PARN: variants seen among roughly 807,000 people sequenced by gnomAD.
PARN encodes the protein poly(A)-specific ribonuclease, also known as poly(A)-specific ribonuclease PARN.
PARN carries 71 observed loss-of-function variants against 102.8 expected under a neutral mutation model. The observed-to-expected ratio is 0.69, with a 90% CI of 0.57 to 0.84. The LOEUF is 0.84. PARN is among the 40% of genes least tolerant of loss of function. PARN has a pLI of 0.00. For missense variants in PARN, 782 were observed against 760.9 expected (o/e 1.03, Z -0.33); for synonymous variants, 261 against 252.9 (o/e 1.03, Z -0.30).
chr16:14,622,649 C>T (rs987382151), intron 5 of PARN, among the ~76,000 whole-genome samples: 3 of 152,200 alleles, frequency 2.0e-5, no homozygotes, highest in Non-Finnish European at 4.4e-5. Context: ...GGACTACAGG[C>T]GCCCGCCCCC....
At chr16:14,454,260 C>T (rs949462353) in intron 22 of PARN, among the ~76,000 whole-genome samples, 4 of 152,142 alleles carry the variant, frequency 2.6e-5, no homozygotes, top group East Asian at 1.9e-4. Flanking sequence ...GTGGGCGGAT[C>T]GCTTGAGCTC....
At chr16:14,542,706 G>A (rs1442316118) in intron 21 of PARN, among the ~76,000 whole-genome samples, 1 of 152,146 alleles carries the variant, frequency 6.6e-6, no homozygotes, top group Non-Finnish European at 1.5e-5. Context: ...TTCACTGGAT[G>A]GGCTTAATAG....
At chr16:14,618,653 T>C (rs1347867136) in intron 5 of PARN, among the ~76,000 whole-genome samples, 1 of 143,166 alleles carries the variant, frequency 7.0e-6, no homozygotes, top group African/African-American at 2.6e-5. Context: ...AGCAAGACTG[T>C]CTCAAAAAAA....
At chr16:14,513,965 C>A (rs760276460) in intron 21 of PARN, among the ~76,000 whole-genome samples, 1 of 152,096 alleles carries the variant, frequency 6.6e-6, no homozygotes, top group African/African-American at 2.4e-5. Flanking sequence ...GGTCAGTGCC[C>A]GGCACACATG....
chr16:14,623,908 C>T (rs1287114295), intron 5 of PARN, among the ~76,000 whole-genome samples: 1 of 151,758 alleles, frequency 6.6e-6, no homozygotes, highest in Non-Finnish European at 1.5e-5. Context: ...TTTTCACAAC[C>T]ATATATATAA....
At chr16:14,489,437 CAAAAAAAAAAA>C (rs770783306) in intron 21 of PARN, among the ~76,000 whole-genome samples, 5 of 59,470 alleles carry the variant, frequency 8.4e-5, no homozygotes, top group Admixed American at 3.1e-4. Context: ...GAGAGAGACT[CAAAAAAAAAAA>C]AAAAAAAAAA....
chr16:14,485,846 C>G (rs1963649880), intron 21 of PARN, among the ~76,000 whole-genome samples: 1 of 152,102 alleles, frequency 6.6e-6, no homozygotes, highest in African/African-American at 2.4e-5. Context: ...CGCCACGACG[C>G]CTGGCTAATT....
intron 21 of PARN, among the ~76,000 whole-genome samples, chr16:14,502,401 CCAT>C (rs986838545): frequency 5.9e-5 from 9 of 152,114 alleles, no homozygotes; most frequent in Non-Finnish European, 7.4e-5. Context: ...CATGTGAGCA[CCAT>C]GTTATTAAAC....
chr16:14,506,258 T>C (rs531414935), intron 21 of PARN, among the ~76,000 whole-genome samples: 81 of 152,164 alleles, frequency 5.3e-4, no homozygotes, highest in Non-Finnish European at 9.8e-4. Context: ...GGGGAACTAT[T>C]CCAGATTAAA....
chr16:14,536,835 TA>T (rs1353872467), intron 21 of PARN, among the ~76,000 whole-genome samples: 1 of 152,066 alleles, frequency 6.6e-6, no homozygotes. Context: ...CTCAAAACTA[TA>T]AAACTACTAG....
chr16:14,558,053 C>T (rs1264465842), intron 18 of PARN, among the ~76,000 whole-genome samples: 1 of 152,132 alleles, frequency 6.6e-6, no homozygotes. Flanking sequence ...GTTAGTCATG[C>T]TTCATATAAT....
In PARN at chr16:14,552,103, C is replaced by A. The variant is rs529177861; in HGVS notation, c.1406-8G>T. 2 of 1,586,922 alleles carry A rather than the reference C, an allele frequency of 1.3e-6. No individual in the cohort carries two copies. The highest frequency in any genetic ancestry group is 2.7e-5 in the African/African-American group (2 of 74,454). ...AGGATATCTGAATGTTACCTGCAAT[C>A]GCAAATTAAAAGTAAAGTGAACATT... On this transcript the variant is annotated splice_polypyrimidine_tract_variant and splice_region_variant and intron_variant, in intron 20 of 23. Transcript: ENST00000437198.
rs1972963803 is a variant in PARN, at chr16:14,630,211, C to G, written c.-86G>C. On this transcript the variant is annotated 5_prime_UTR_variant, in exon 1 of 24. Transcript: ENST00000437198. Reference sequence around the variant, plus strand: ...TCGCCGAATTCCGCGGCGACTGCGGCAGTAGCTGAGGCAGCCGCAGCGGTG... The same window carrying G: ...TCGCCGAATTCCGCGGCGACTGCGGGAGTAGCTGAGGCAGCCGCAGCGGTG... The G allele has an allele frequency of 2.4e-6, 3 of 1,244,954 alleles. No homozygotes were observed. The highest frequency in any genetic ancestry group is 4.2e-5 in the Admixed American group (2 of 47,446). 77.1% of individuals were successfully genotyped at this position (1,244,954 alleles called of 1,614,324 possible).
At chr16:14,492,026 C>T (rs1024721041) in intron 21 of PARN, among the ~76,000 whole-genome samples, 7 of 152,254 alleles carry the variant, frequency 4.6e-5, no homozygotes, top group African/African-American at 1.7e-4. Flanking sequence ...GCCACCGTCA[C>T]TGATAGCAGA....
chr16:14,564,904 C>G (rs1376621099), intron 18 of PARN: 2 of 152,174 alleles, frequency 1.3e-5, no homozygotes, highest in African/African-American at 4.8e-5. Context: ...CCACTACAGA[C>G]TGGGATACAG....
At chr16:14,458,059 G>C (rs1024326386) in intron 22 of PARN, among the ~76,000 whole-genome samples, 1 of 151,822 alleles carries the variant, frequency 6.6e-6, no homozygotes, top group Non-Finnish European at 1.5e-5. Flanking sequence ...ACATTACAAA[G>C]AATCAATAGC....
At chr16:14,580,133 G>A (rs2151747812) in intron 18 of PARN, among the ~76,000 whole-genome samples, 1 of 152,244 alleles carries the variant, frequency 6.6e-6, no homozygotes, top group East Asian at 1.9e-4. Context: ...CACCGTGCCG[G>A]CTAATTTTTT....
chr16:14,608,017 C>T, intron 9 of PARN: 1 of 461,790 alleles, frequency 2.2e-6, no homozygotes, highest in Non-Finnish European at 3.8e-6. Context: ...TTGTATACCC[C>T]AAAGGACAAA....
chr16:14,612,887 G>A (rs1049932733), intron 6 of PARN, among the ~76,000 whole-genome samples: 4 of 150,730 alleles, frequency 2.7e-5, no homozygotes, highest in African/African-American at 7.3e-5. Flanking sequence ...GTGAGCCACC[G>A]CGCCCTACCA....
Sources: gnomAD v4.1 joint callset for allele counts (sites outside exome capture counted in the v4.1 genomes callset) on GRCh38, gnomAD v4.1.1 for gene constraint, MANE v1.5 for transcripts, NCBI Gene and HGNC (gene_info 2026-07-23, HGNC 2026-07-21) for gene names.